Variants in UBQLN4 observed in about 807,000 individuals in gnomAD.
UBQLN4 encodes ubiquilin-4.
UBQLN4 carries 11 observed loss-of-function variants against 60.4 expected under a neutral mutation model. That is an observed-to-expected ratio of 0.18 (90% CI 0.11 to 0.30). UBQLN4 has a LOEUF of 0.30. Ranked by LOEUF, UBQLN4 falls within the 10% of genes least tolerant of loss-of-function variation. UBQLN4 has a pLI of 1.00. For synonymous variants in UBQLN4, 258 were observed against 313.1 expected (o/e 0.82, Z 1.86); for missense variants, 417 against 795.5 (o/e 0.52, Z 5.72).
chr1:156,042,388 C>T, intron 7 of UBQLN4, 152 bp from the exon 8 acceptor site: 1 of 1,427,552 alleles, frequency 7.0e-7, no homozygotes, highest in Non-Finnish European at 9.2e-7. Context: ...CTAAGTGGGA[C>T]AGTGAGAGGA....
rs1683416970 is a variant in UBQLN4, at chr1:156,036,909, T to C, written c.*69A>G. On this transcript the variant is annotated 3_prime_UTR_variant, in exon 11 of 11. Transcript: ENST00000368309. ...GGAAGGGAGGACAAGCTGCAGAGGG[T>C]AAGGATTGACAGAAGAACCGAATGC... 2.5e-6 allele frequency: 4 copies of C among 1,574,928 alleles called. No individual in the cohort carries two copies. In the African/African-American group the frequency reaches 4.1e-5, roughly 16 times the overall value.
intron 1 of UBQLN4, among the ~76,000 whole-genome samples, chr1:156,052,145 T>C (rs978977544): frequency 6.6e-6 from 1 of 152,162 alleles, no homozygotes; most frequent in African/African-American, 2.4e-5. Flanking sequence ...CCTAGTTCTC[T>C]GTAAGGCAGA....
In UBQLN4 at chr1:156,053,643, G is replaced by C. The variant is rs752453589; in HGVS notation, c.59C>G (p.Pro20Arg). 7 of 1,389,204 alleles carry C rather than the reference G, an allele frequency of 5.0e-6. No individual in the cohort carries two copies. The highest frequency in any genetic ancestry group is 6.6e-6 in the Non-Finnish European group (7 of 1,061,216). 86.1% of individuals were successfully genotyped at this position (1,389,204 alleles called of 1,614,324 possible). The change falls in exon 1 of 11, where the codon CCC becomes CGC. Residue 20 changes from proline to arginine, a missense_variant. By Grantham distance (103) the Pro-to-Arg change is moderately radical. Transcript: ENST00000368309. ...RPPIRVTVKT[P>R]KDKEEIVICD... Reference sequence around the variant, plus strand: ...GATCACAATTTCCTCCTTGTCCTTGGGGGTCTTGACGGTGACCCGAATGGG... The same window carrying C: ...GATCACAATTTCCTCCTTGTCCTTGCGGGTCTTGACGGTGACCCGAATGGG...
chr1:156,041,074 G>A (rs1360492128), intron 10 of UBQLN4, among the ~76,000 whole-genome samples: 3 of 152,180 alleles, frequency 2.0e-5, no homozygotes. Flanking sequence ...TCTGGAGGTG[G>A]AATGCCTGGG....
intron 6 of UBQLN4, 138 bp from the exon 7 acceptor site, chr1:156,043,051 G>T (rs757618764): frequency 1.7e-4 from 204 of 1,211,986 alleles, no homozygotes; most frequent in Non-Finnish European, 2.2e-4. Context: ...GGCACCCTAG[G>T]ATTGTGGCAT....
Position 156,037,052 on chromosome 1 carries a change from G to A in UBQLN4, c.1732C>T (p.Leu578=), listed in dbSNP as rs768849246. 7 of 1,614,226 alleles carry A rather than the reference G, an allele frequency of 4.3e-6. No individual in the cohort carries two copies. Among genetic ancestry groups the A allele is most frequent in the Admixed American group, 1.7e-5 (1 of 60,024 alleles). Residue 578 remains leucine, a synonymous_variant, in exon 11 of 11, where the codon CTG becomes TTG. Coordinates refer to ENST00000368309, the MANE Select transcript of UBQLN4 (RefSeq NM_020131.5). ...CCTCCTGTGGCAATCAGGGCCTGCA[G>A]GTTAGCCTCACGATTGATGAAGCCC... is the stretch of plus-strand genomic sequence containing the variant. The part of the protein sequence containing the change: ...SMGFINREAN[L]QALIATGGDI...
intron 8 of UBQLN4, 32 bp from the exon 9 acceptor site, chr1:156,042,019 G>C (rs369394093): frequency 7.4e-6 from 12 of 1,613,486 alleles, no homozygotes; most frequent in Non-Finnish European, 1.0e-5. Context: ...AAGGCATCAA[G>C]AGGTGGCAGG....
chr1:156,049,437 C>T lies in UBQLN4; in HGVS notation c.742-778G>A, dbSNP rs938924176. Among the ~76,000 whole-genome samples, 8 of 152,144 alleles carry T rather than the reference C, an allele frequency of 5.3e-5. No individual in the cohort carries two copies. The South Asian group carries it at 6.2e-4, about 12-fold the overall frequency. ...CAATAAGGGGTGGCTATGTCAACCC[C>T]GGGGGAGTTCATCACAGAAAAATAA... On this transcript the variant is annotated intron_variant, in intron 4 of 10. Transcript: ENST00000368309.
chr1:156,046,496 C>CA (rs1289117978), intron 5 of UBQLN4, among the ~76,000 whole-genome samples: 1 of 137,990 alleles, frequency 7.2e-6, no homozygotes, highest in African/African-American at 2.7e-5. Flanking sequence ...AACTTCGTCT[C>CA]AAAAAAACAA....
chr1:156,050,684 GC>G lies in UBQLN4; in HGVS notation c.479-132del. ...TGTCCCTCTTCCTGTCATTCCCACA[GC>G]CCGGCCCTGATCCACTGCTGGCAAA... On this transcript the variant is annotated intron_variant, in intron 3 of 10. Coordinates refer to ENST00000368309, the MANE Select transcript of UBQLN4 (RefSeq NM_020131.5). This position sits in a 1 kb window ranked among gnomAD's most constrained non-coding sequence, Gnocchi z 4.6. 7.3e-7 allele frequency: 1 copy of G among 1,363,482 alleles called. No individual in the cohort carries two copies. Among genetic ancestry groups the G allele is most frequent in the African/African-American group, 1.5e-5 (1 of 68,222 alleles). 84.5% of individuals were successfully genotyped at this position (1,363,482 alleles called of 1,614,324 possible). A position where few individuals can be genotyped will look rare whatever the true frequency, so the allele number is the denominator to read the frequency against.
chr1:156,042,713 A>T, intron 7 of UBQLN4, 61 bp downstream of exon 7: 19 of 1,588,314 alleles, frequency 1.2e-5, no homozygotes, highest in Non-Finnish European at 1.6e-5. Flanking sequence ...ACCACAAGAA[A>T]CTGCCCCCAA....
intron 4 of UBQLN4, among the ~76,000 whole-genome samples, chr1:156,049,314 G>A (rs1168073384): frequency 6.6e-6 from 1 of 152,166 alleles, no homozygotes; most frequent in Non-Finnish European, 1.5e-5. Context: ...TAAAGCTACT[G>A]ACACCCTGTA....
chr1:156,039,060 G>T (rs987242008), intron 10 of UBQLN4, among the ~76,000 whole-genome samples: 1 of 152,002 alleles, frequency 6.6e-6, no homozygotes, highest in African/African-American at 2.4e-5. Flanking sequence ...CCAAAATGTT[G>T]GGATTACAGG....
In UBQLN4 at chr1:156,048,484, C is replaced by A; in HGVS notation, c.900+17G>T. On this transcript the variant is annotated intron_variant, in intron 5 of 10. Coordinates refer to ENST00000368309, the MANE Select transcript of UBQLN4 (RefSeq NM_020131.5). The surrounding 1 kb of genome is among the most constrained non-coding windows in gnomAD (Gnocchi z 4.9). The stretch of plus-strand genomic sequence containing the variant: ...AGCCCAGACAGCCCAACCCACTACC[C>A]TGGCCCTTGATCCCACCTGTTCCCG... 1 of 1,602,672 alleles carries A rather than the reference C, an allele frequency of 6.2e-7. No individual in the cohort carries two copies. The highest frequency in any genetic ancestry group is 2.2e-5 in the East Asian group (1 of 44,558).
Position 156,044,210 on chromosome 1 carries a change from G to A in UBQLN4, c.914C>T (p.Pro305Leu). ...SAAREQFGNN[P>L]FSSLAGNSDS... is the part of the protein sequence containing the mutation. ...GGAGTTCCCGGCCAGGGAAGAGAAG[G>A]GATTGTTGCCAAACTGGGAGGAGGG... The change falls in exon 6 of 11, where the codon CCC becomes CTC. Residue 305 changes from proline to leucine, a missense_variant. By Grantham distance (98) the Pro-to-Leu change is moderately conservative (BLOSUM62 -3). Transcript: ENST00000368309. 4 of 1,565,100 alleles carry A rather than the reference G, an allele frequency of 2.6e-6. No homozygotes were observed. The highest frequency in any genetic ancestry group is 2.3e-5 in the South Asian group (2 of 85,384).
chr1:156,044,325 A>G, intron 5 of UBQLN4, 102 bp from the exon 6 acceptor site: 2 of 1,074,030 alleles, frequency 1.9e-6, no homozygotes, highest in Non-Finnish European at 2.8e-6. Flanking sequence ...TTCCCCAGAA[A>G]AGGGAGAGAG....
At chr1:156,037,620 CAAACA>C (rs1683443254) in intron 10 of UBQLN4, among the ~76,000 whole-genome samples, 1 of 152,076 alleles carries the variant, frequency 6.6e-6, no homozygotes, top group Non-Finnish European at 1.5e-5. Context: ...AAAAAACAAA[CAAACA>C]AAACTGTGTA....
chr1:156,033,138 T>C, downstream of UBQLN4: 2 of 893,138 alleles, frequency 2.2e-6, no homozygotes, highest in Non-Finnish European at 2.7e-6. Context: ...ATGTAGCTGC[T>C]GCCACAGGAA....
In UBQLN4 at chr1:156,041,628, C is replaced by T. The variant is rs1161020443; in HGVS notation, c.1510G>A (p.Gly504Ser). Residue 504 changes from glycine to serine, a missense_variant, in exon 10 of 11, where the codon GGC becomes AGC. Coordinates refer to ENST00000368309, the MANE Select transcript of UBQLN4 (RefSeq NM_020131.5). ...GISRTPAPSAGSNAGSTPEAP... is the reference protein window; with the variant it reads ...GISRTPAPSASSNAGSTPEAP... ...TCGGGCGTAGACCCTGCGTTGCTGCCTGCTGAGGGTGCTGGGGTCCGGGAT... is the reference window on the plus strand; with the variant it reads ...TCGGGCGTAGACCCTGCGTTGCTGCTTGCTGAGGGTGCTGGGGTCCGGGAT... 6.2e-7 allele frequency: 1 copy of T among 1,600,834 alleles called. No homozygotes were observed. Among genetic ancestry groups the T allele is most frequent in the East Asian group, 2.3e-5 (1 of 44,390 alleles).
Sources: gnomAD v4.1 joint callset for allele counts (sites outside exome capture counted in the v4.1 genomes callset) on GRCh38, gnomAD v4.1.1 for gene constraint, Gnocchi (gnomAD v3.1) non-coding constraint, MANE v1.5 for transcripts, NCBI Gene and HGNC (gene_info 2026-07-23, HGNC 2026-07-21) for gene names.